Variants in PCCB observed in about 807,000 individuals in gnomAD.
The protein encoded by PCCB is propionyl-CoA carboxylase beta chain, mitochondrial.
A neutral mutation model predicts 60.7 loss-of-function variants in PCCB; 43 were observed. The ratio of observed to expected loss-of-function variants is 0.71; its 90% CI spans 0.55 to 0.91. PCCB has a LOEUF of 0.91. PCCB is among the 40% of genes least tolerant of loss of function. PCCB has a pLI of 0.00. For synonymous variants in PCCB, 276 were observed against 255.9 expected, an observed-to-expected ratio of 1.08 and a Z score of -0.75; for missense variants, 766 against 702.8, an observed-to-expected ratio of 1.09 and a Z score of -1.02.
At chr3:136,297,408 CTG>C (rs1933985143) in intron 7 of PCCB, among the ~76,000 whole-genome samples, 1 of 152,130 alleles carries the variant, frequency 6.6e-6, no homozygotes, top group African/African-American at 2.4e-5. Context: ...TTTGGCTGCT[CTG>C]TGATTTCAGA....
Position 136,329,921 on chromosome 3 carries a change from C to G in PCCB, c.1515C>G (p.Ile505Met). The G allele has an allele frequency of 6.2e-7, 1 of 1,614,186 alleles. No individual in the cohort carries two copies. Among genetic ancestry groups the G allele is most frequent in the Non-Finnish European group, 8.5e-7 (1 of 1,180,014 alleles). Residue 505 changes from isoleucine to methionine, a missense_variant, in exon 15 of 15, where the codon ATC becomes ATG. Physicochemically the swap from Ile to Met is conservative, Grantham distance 10 (BLOSUM62 1). Coordinates refer to ENST00000251654, the MANE Select transcript of PCCB (RefSeq NM_000532.5). ...PAAVRGFVDD[I>M]IQPSSTRARI... The stretch of plus-strand genomic sequence containing the variant: ...CTTCACCAGGGTTTGTGGATGACAT[C>G]ATCCAACCTTCTTCCACACGTGCCC...
At chr3:136,325,599 C>T (rs1414879870) in intron 10 of PCCB, among the ~76,000 whole-genome samples, 2 of 152,088 alleles carry the variant, frequency 1.3e-5, no homozygotes, top group Middle Eastern at 3.2e-3. Context: ...CTCAAGTGGT[C>T]TGCCTGCCCG....
At chr3:136,309,674 C>A (rs748762834) in intron 9 of PCCB, among the ~76,000 whole-genome samples, 1 of 151,870 alleles carries the variant, frequency 6.6e-6, no homozygotes. Context: ...GTGGCATGCA[C>A]CTATAGTCCC....
intron 5 of PCCB, among the ~76,000 whole-genome samples, chr3:136,267,578 G>A (rs1367386619): frequency 3.9e-5 from 6 of 152,048 alleles, no homozygotes; most frequent in East Asian, 1.9e-4. Context: ...TGGACTTCCC[G>A]GGGTCAGGCA....
intron 9 of PCCB, among the ~76,000 whole-genome samples, chr3:136,312,005 A>T (rs1219060630): frequency 6.6e-6 from 1 of 152,240 alleles, no homozygotes; most frequent in East Asian, 1.9e-4. Context: ...ATATACTGCA[A>T]AAGAAAAGCT....
rs1404763021 is a variant in PCCB, at chr3:136,250,396, G to A, written c.21G>A (p.Val7=). The part of the protein sequence containing the change: MAAALR[V]AAVGARLSVL... ...CAAAAATGGCGGCGGCATTACGGGT[G>A]GCGGCGGTCGGGGCAAGGCTCAGCG... is the stretch of plus-strand genomic sequence containing the variant. Residue 7 remains valine (V), a synonymous_variant, in exon 1 of 15, where the codon GTG becomes GTA. Coordinates refer to ENST00000251654, the MANE Select transcript of PCCB (RefSeq NM_000532.5). The A allele has an allele frequency of 1.3e-6, 2 of 1,541,096 alleles. No homozygotes were observed. The highest frequency in any genetic ancestry group is 2.4e-5 in the East Asian group (1 of 41,964).
chr3:136,306,774 C>T lies in PCCB; in HGVS notation c.966+5663C>T, dbSNP rs868599915. ...TGAAAGGCAAAGAAGAATGAACATA[C>T]ATATAATTGGAGTGTCTGAAGAAAA... On this transcript the variant is annotated intron_variant, in intron 9 of 14. Coordinates refer to ENST00000251654, the MANE Select transcript of PCCB (RefSeq NM_000532.5). Among the ~76,000 whole-genome samples the T allele has an allele frequency of 1.4e-3, 166 of 121,946 alleles. 11 individuals are homozygous for T. Among genetic ancestry groups the T allele is most frequent in the African/African-American group, 3.9e-3 (156 of 40,140 alleles). 80.0% of individuals were successfully genotyped at this position (121,946 alleles called of 152,430 possible).
intron 5 of PCCB, among the ~76,000 whole-genome samples, chr3:136,266,552 G>T (rs1455884166): frequency 6.6e-6 from 1 of 152,204 alleles, no homozygotes; most frequent in African/African-American, 2.4e-5. Flanking sequence ...CTCCCAAAGT[G>T]TTGGAATTAC....
intron 5 of PCCB, among the ~76,000 whole-genome samples, chr3:136,272,360 A>T (rs1385238475): frequency 1.3e-5 from 2 of 151,938 alleles, no homozygotes; most frequent in Non-Finnish European, 2.9e-5. Flanking sequence ...TATTAGGGTG[A>T]TACTGGCTTC....
intron 3 of PCCB, among the ~76,000 whole-genome samples, chr3:136,257,772 C>T (rs1941711603): frequency 6.6e-6 from 1 of 151,974 alleles, no homozygotes; most frequent in Non-Finnish European, 1.5e-5. Context: ...TCCATCTCTA[C>T]TAAAAACACA....
chr3:136,296,106 A>G lies in PCCB; in HGVS notation c.764-1846A>G, dbSNP rs967519211. On this transcript the variant is annotated intron_variant, in intron 7 of 14. Coordinates refer to ENST00000251654, the MANE Select transcript of PCCB (RefSeq NM_000532.5). ...GTGGTAACAGCTTTATTGAGATGTA[A>G]TTCATATACCGTATATTTTAAACAC... Among the ~76,000 whole-genome samples, 5 of 152,112 alleles carry G rather than the reference A, an allele frequency of 3.3e-5. No homozygotes were observed. In the East Asian group the frequency reaches 5.8e-4, roughly 18 times the overall value.
intron 5 of PCCB, among the ~76,000 whole-genome samples, chr3:136,282,937 A>G (rs1382286362): frequency 6.6e-6 from 1 of 152,138 alleles, no homozygotes; most frequent in African/African-American, 2.4e-5. Flanking sequence ...TAGAACCCCA[A>G]AATACTCGTT....
At chr3:136,312,455 T>C (rs761725551) in intron 9 of PCCB, among the ~76,000 whole-genome samples, 1 of 152,198 alleles carries the variant, frequency 6.6e-6, no homozygotes, top group Non-Finnish European at 1.5e-5. Context: ...CAGAACCTCT[T>C]TGTGTAGTGC....
intron 5 of PCCB, among the ~76,000 whole-genome samples, chr3:136,276,901 G>T (rs931206526): frequency 6.6e-6 from 1 of 152,190 alleles, no homozygotes; most frequent in Non-Finnish European, 1.5e-5. Flanking sequence ...GTCCCATGGG[G>T]TATTCCCTTG....
chr3:136,283,061 A>G (rs1430241117), intron 5 of PCCB, among the ~76,000 whole-genome samples: 2 of 152,196 alleles, frequency 1.3e-5, no homozygotes, highest in African/African-American at 4.8e-5. Context: ...CATAGATTAC[A>G]TTTTGCACTG....
In PCCB at chr3:136,268,087, G is replaced by GATATATATATAT. The variant is rs61160895; in HGVS notation, c.543+6045_543+6056dup. Among the ~76,000 whole-genome samples, 233 of 93,676 alleles carry GATATATATATAT rather than the reference G, an allele frequency of 2.5e-3. 1 individual carries two copies. The highest frequency in any genetic ancestry group is 4.9e-3 in the Middle Eastern group (1 of 206). 61.5% of individuals were successfully genotyped at this position (93,676 alleles called of 152,430 possible). On this transcript the variant is annotated intron_variant, in intron 5 of 14. Coordinates refer to ENST00000251654, the MANE Select transcript of PCCB (RefSeq NM_000532.5). ...GTGCGTGTGTGTGTGTGTGTGTGTA[G>GATATATATATAT]ATATATATATATATATATATATATA...
chr3:136,295,851 A>G (rs946331186), intron 7 of PCCB, among the ~76,000 whole-genome samples: 10 of 137,280 alleles, frequency 7.3e-5, no homozygotes, highest in Non-Finnish European at 1.4e-4. Flanking sequence ...TTTTTTTTTT[A>G]CTTGACAGCT....
intron 5 of PCCB, among the ~76,000 whole-genome samples, chr3:136,265,834 T>C (rs531076297): frequency 6.6e-6 from 1 of 152,014 alleles, no homozygotes; most frequent in African/African-American, 2.4e-5. Flanking sequence ...TTTTTTGTTT[T>C]TTTTTTTTTG....
chr3:136,282,134 A>G (rs1942491637), intron 5 of PCCB, among the ~76,000 whole-genome samples: 1 of 152,098 alleles, frequency 6.6e-6, no homozygotes, highest in Non-Finnish European at 1.5e-5. Context: ...TAATTTCCCA[A>G]TCTGGCACCA....
Sources: allele counts gnomAD v4.1 joint callset (sites outside exome capture counted in the v4.1 genomes callset), GRCh38; gene constraint gnomAD v4.1.1; transcripts MANE v1.5; gene names NCBI Gene and HGNC (gene_info 2026-07-23, HGNC 2026-07-21).